Variants in GALNT18 observed in about 807,000 individuals in gnomAD.
GALNT18 encodes the protein GalNAc-transferase 18.
GALNT18 carries 44 observed loss-of-function variants against 69.5 expected under a neutral mutation model. The observed-to-expected ratio is 0.63, with a 90% CI of 0.50 to 0.81. The LOEUF (loss-of-function observed/expected upper bound fraction) is 0.81, where lower values mean the gene tolerates loss of function less well. GALNT18 is among the 40% of genes least tolerant of loss of function. GALNT18 has a pLI of 0.00. For synonymous variants in GALNT18, 364 were observed against 318.2 expected, an observed-to-expected ratio of 1.14 and a Z score of -1.53; for missense variants, 715 against 810.0, an observed-to-expected ratio of 0.88 and a Z score of 1.42.
At chr11:11,428,784 A>C (rs1175079539) in intron 3 of GALNT18, among the ~76,000 whole-genome samples, 1 of 152,216 alleles carries the variant, frequency 6.6e-6, no homozygotes, top group South Asian at 2.1e-4. Flanking sequence ...AGAACACAAT[A>C]AAATACAATA....
At position 11,453,949 on chromosome 11, in the gene GALNT18, G is replaced by A. The variant is rs138859720; in HGVS notation, c.236-5013C>T. ...TGTTGTTTGTTTCCCTGACTGGAAC[G>A]TGGCTCTGTGAGGTCAGGCATTTGC... On this transcript the variant is annotated intron_variant, in intron 1 of 10. Transcript: ENST00000227756. Among the ~76,000 whole-genome samples, 724 of 152,338 alleles carry A rather than the reference G, an allele frequency of 4.8e-3. 4 individuals are homozygous for A. Among genetic ancestry groups the A allele is most frequent in the African/African-American group, 0.016 (671 of 41,566 alleles).
chr11:11,393,309 C>T (rs573095376), intron 3 of GALNT18, among the ~76,000 whole-genome samples: 3 of 152,334 alleles, frequency 2.0e-5, no homozygotes, highest in East Asian at 1.9e-4. Flanking sequence ...TCCATGTTCC[C>T]GGGCTCCTAA....
At chr11:11,566,883 T>C (rs1858667248) in intron 1 of GALNT18, among the ~76,000 whole-genome samples, 1 of 152,188 alleles carries the variant, frequency 6.6e-6, no homozygotes, top group Non-Finnish European at 1.5e-5. Context: ...TGGATGTGAG[T>C]ACATTTTGAT....
chr11:11,326,270 T>C (rs1849916271), intron 9 of GALNT18, among the ~76,000 whole-genome samples: 1 of 152,128 alleles, frequency 6.6e-6, no homozygotes, highest in Admixed American at 6.5e-5. Flanking sequence ...GGTCTCGATC[T>C]CCTGAACTCG....
At position 11,318,748 on chromosome 11, in the gene GALNT18, A is replaced by G. The variant is rs1849795789; in HGVS notation, c.1512+8338T>C. Among the ~76,000 whole-genome samples the G allele has an allele frequency of 6.6e-6, 1 of 152,162 alleles. No individual in the cohort carries two copies. The highest frequency in any genetic ancestry group is 1.9e-4 in the East Asian group (1 of 5,194). On this transcript the variant is annotated intron_variant, in intron 9 of 10. Transcript: ENST00000227756. This position sits in a 1 kb window ranked among gnomAD's most constrained non-coding sequence, Gnocchi z 5.1. ...ACTTTGTGAAAAGAGTAAGAAAAATACCTGAAACCTAGAAATAAGGCAAAA... is the reference window on the plus strand; with the variant it reads ...ACTTTGTGAAAAGAGTAAGAAAAATGCCTGAAACCTAGAAATAAGGCAAAA...
At chr11:11,530,247 G>A (rs1857616272) in intron 1 of GALNT18, among the ~76,000 whole-genome samples, 1 of 152,176 alleles carries the variant, frequency 6.6e-6, no homozygotes. Flanking sequence ...GCCATCTTTA[G>A]CATGCACTTA....
At chr11:11,489,222 T>G (rs1856708384) in intron 1 of GALNT18, among the ~76,000 whole-genome samples, 1 of 152,184 alleles carries the variant, frequency 6.6e-6, no homozygotes, top group Non-Finnish European at 1.5e-5. Flanking sequence ...GGAGCATTAT[T>G]ATGACAGTGA....
At position 11,591,598 on chromosome 11, in the gene GALNT18, G is replaced by GC. The variant is rs10714339; in HGVS notation, c.235+29760dup. On this transcript the variant is annotated intron_variant, in intron 1 of 10. Transcript: ENST00000227756. The surrounding 1 kb of genome is among the most constrained non-coding windows in gnomAD (Gnocchi z 4.8). ...AGTCATTCTGCCCACAAGGAAAGCA[G>GC]CCCCCCCAGTGAGTCCTGCTGTCAT... Among the ~76,000 whole-genome samples the GC allele has an allele frequency of 6.6e-6, 1 of 151,902 alleles. No homozygotes were observed. Among genetic ancestry groups the GC allele is most frequent in the Non-Finnish European group, 1.5e-5 (1 of 67,982 alleles).
intron 10 of GALNT18, among the ~76,000 whole-genome samples, chr11:11,272,667 A>G (rs570159405): frequency 1.3e-5 from 2 of 152,200 alleles, no homozygotes; most frequent in African/African-American, 2.4e-5. Flanking sequence ...CTCCCATGAC[A>G]GGCTAAGCTG....
chr11:11,434,123 C>T (rs1855342211), intron 2 of GALNT18, among the ~76,000 whole-genome samples: 1 of 152,134 alleles, frequency 6.6e-6, no homozygotes, highest in Admixed American at 6.5e-5. Context: ...CATGGGGCCC[C>T]AGCCTGCTTA....
Position 11,470,363 on chromosome 11 carries a change from T to C in GALNT18, c.236-21427A>G, listed in dbSNP as rs1402720377. 6.6e-6 allele frequency among the ~76,000 whole-genome samples: 1 copy of C among 152,204 alleles called. No homozygotes were observed. Among genetic ancestry groups the C allele is most frequent in the African/African-American group, 2.4e-5 (1 of 41,444 alleles). ...ATTGTACGGTCATGCCCTACATTCA[T>C]ATCTTGATCTATGGATGGGAATTTC... On this transcript the variant is annotated intron_variant, in intron 1 of 10. Transcript: ENST00000227756. The surrounding 1 kb of genome is among the most constrained non-coding windows in gnomAD (Gnocchi z 4.8).
chr11:11,588,194 G>A (rs751043437), intron 1 of GALNT18, among the ~76,000 whole-genome samples: 1 of 152,012 alleles, frequency 6.6e-6, no homozygotes, highest in Non-Finnish European at 1.5e-5. Flanking sequence ...ACACTTTCTT[G>A]TCCTTTTCTT....
Position 11,496,328 on chromosome 11 carries a change from A to G in GALNT18, c.236-47392T>C, listed in dbSNP as rs539186968. Among the ~76,000 whole-genome samples the G allele has an allele frequency of 1.1e-3, 171 of 152,056 alleles. 4 individuals are homozygous for G. The highest frequency in any genetic ancestry group is 4.0e-3 in the African/African-American group (164 of 41,478). ...CACCAAAAACCCTAGCATCAGCAACACTCCACATGCTGCCATACTGCAAAC... is the reference window on the plus strand; with the variant it reads ...CACCAAAAACCCTAGCATCAGCAACGCTCCACATGCTGCCATACTGCAAAC... On this transcript the variant is annotated intron_variant, in intron 1 of 10. Transcript: ENST00000227756. This position sits in a 1 kb window ranked among gnomAD's most constrained non-coding sequence, Gnocchi z 4.0.
intron 5 of GALNT18, among the ~76,000 whole-genome samples, chr11:11,374,039 G>A (rs1387874760): frequency 3.3e-5 from 5 of 152,110 alleles, no homozygotes; most frequent in South Asian, 2.1e-4. Context: ...GAGACTTCTG[G>A]GGCAGAGACT....
intron 1 of GALNT18, among the ~76,000 whole-genome samples, chr11:11,588,295 C>G (rs1590121753): frequency 6.6e-6 from 1 of 152,146 alleles, no homozygotes. Context: ...GTAGGCAGAA[C>G]TACATCTCCC....
chr11:11,325,855 C>A (rs1163949651), intron 9 of GALNT18, among the ~76,000 whole-genome samples: 5 of 152,078 alleles, frequency 3.3e-5, no homozygotes, highest in Admixed American at 3.3e-4. Context: ...CACAGCAACT[C>A]AGTCCCCAAA....
At chr11:11,458,289 C>A (rs1287362964) in intron 1 of GALNT18, among the ~76,000 whole-genome samples, 1 of 152,222 alleles carries the variant, frequency 6.6e-6, no homozygotes, top group East Asian at 1.9e-4. Flanking sequence ...GATAAGAATT[C>A]ATAAAGAAGG....
At chr11:11,442,140 G>C (rs1458621020) in intron 2 of GALNT18, among the ~76,000 whole-genome samples, 1 of 152,118 alleles carries the variant, frequency 6.6e-6, no homozygotes, top group Non-Finnish European at 1.5e-5. Flanking sequence ...GCTTTTTCCA[G>C]CAACTTGAGG....
chr11:11,563,702 C>T lies in GALNT18; in HGVS notation c.235+57657G>A, dbSNP rs56741615. 0.026 allele frequency among the ~76,000 whole-genome samples: 4,008 copies of T among 152,270 alleles called. 155 individuals are homozygous for T. The highest frequency in any genetic ancestry group is 0.083 in the African/African-American group (3,436 of 41,536). ...TGGGATTCAAACCCAGGCTTCCCAACGCCAAGTCTAACACTCTCTCCTCCC... is the reference window on the plus strand; with the variant it reads ...TGGGATTCAAACCCAGGCTTCCCAATGCCAAGTCTAACACTCTCTCCTCCC... On this transcript the variant is annotated intron_variant, in intron 1 of 10. Transcript: ENST00000227756. This position sits in a 1 kb window ranked among gnomAD's most constrained non-coding sequence, Gnocchi z 4.6.
Sources: allele counts gnomAD v4.1 joint callset (sites outside exome capture counted in the v4.1 genomes callset), GRCh38; gene constraint gnomAD v4.1.1; non-coding constraint Gnocchi (gnomAD v3.1); transcripts MANE v1.5; gene names NCBI Gene and HGNC (gene_info 2026-07-23, HGNC 2026-07-21).